FNIP2: variants seen among roughly 807,000 people sequenced by gnomAD.
FNIP2 encodes the protein folliculin-interacting protein 2.
FNIP2 carries 32 observed loss-of-function variants against 108.7 expected under a neutral mutation model. The ratio of observed to expected loss-of-function variants is 0.29; its 90% confidence interval spans 0.22 to 0.40. FNIP2 has a LOEUF of 0.40. Among genes scored for constraint, FNIP2 ranks in the 10% least tolerant of loss-of-function variants. The probability of loss-of-function intolerance (pLI) is 1.00; values close to 1 mark genes in which losing one functional copy is unlikely to be tolerated. For missense variants in FNIP2, 1,202 were observed against 1,381.6 expected (o/e 0.87, Z 2.06); for synonymous variants, 480 against 496.7 (o/e 0.97, Z 0.45).
chr4:158,828,159 G>C (rs1298025594), intron 2 of FNIP2, among the ~76,000 whole-genome samples: 2 of 152,172 alleles, frequency 1.3e-5, no homozygotes, highest in African/African-American at 4.8e-5. Flanking sequence ...GTATAGTAGA[G>C]CATCCTCTGT....
At chr4:158,777,975 GA>G (rs1011894910) in intron 1 of FNIP2, among the ~76,000 whole-genome samples, 103 of 151,986 alleles carry the variant, frequency 6.8e-4, no homozygotes, top group African/African-American at 2.3e-3. Context: ...GCAAATACAG[GA>G]AAAAAAATTC....
chr4:158,856,002 G>A (rs980299386), intron 8 of FNIP2, among the ~76,000 whole-genome samples: 3 of 152,168 alleles, frequency 2.0e-5, no homozygotes, highest in African/African-American at 7.2e-5. Flanking sequence ...TAGAATGAAT[G>A]TTTTCAGTAT....
intron 16 of FNIP2, among the ~76,000 whole-genome samples, chr4:158,900,094 C>T (rs1309992901): frequency 2.0e-5 from 3 of 152,128 alleles, no homozygotes; most frequent in Non-Finnish European, 2.9e-5. Flanking sequence ...GCCTTCATTT[C>T]GTTATGTACC....
intron 16 of FNIP2, among the ~76,000 whole-genome samples, chr4:158,898,242 CTTG>C (rs1560844132): frequency 6.6e-6 from 1 of 152,100 alleles, no homozygotes; most frequent in African/African-American, 2.4e-5. Flanking sequence ...TTACCGTAGC[CTTG>C]TTGTATAGTT....
At chr4:158,885,261 C>T (rs1307710921) in intron 14 of FNIP2, among the ~76,000 whole-genome samples, 3 of 152,170 alleles carry the variant, frequency 2.0e-5, no homozygotes, top group Non-Finnish European at 4.4e-5. Context: ...CCTTCCTCGA[C>T]ATGGGATTAT....
chr4:158,779,172 C>T (rs1358854586), intron 1 of FNIP2, among the ~76,000 whole-genome samples: 3 of 152,112 alleles, frequency 2.0e-5, no homozygotes, highest in African/African-American at 7.2e-5. Flanking sequence ...TAAAAATGCT[C>T]ATACTTTTTT....
At chr4:158,812,091 CTG>C (rs1270554176) in intron 1 of FNIP2, among the ~76,000 whole-genome samples, 1 of 152,148 alleles carries the variant, frequency 6.6e-6, no homozygotes, top group Non-Finnish European at 1.5e-5. Context: ...CGGCTGCACA[CTG>C]TGATATGAGA....
chr4:158,831,751 G>C (rs1778495735), intron 3 of FNIP2, 110 bp from the exon 4 acceptor site: 2 of 717,742 alleles, frequency 2.8e-6, no homozygotes. Flanking sequence ...GAAGCTTTGA[G>C]AAATAGTTTT....
chr4:158,896,851 T>TTA (rs1553967025), intron 16 of FNIP2, among the ~76,000 whole-genome samples: 2 of 138,970 alleles, frequency 1.4e-5, no homozygotes, highest in South Asian at 2.3e-4. Context: ...GTTTTTTTTT[T>TTA]ATTATTATTA....
At position 158,904,520 on chromosome 4, in the gene FNIP2, T is replaced by G; in HGVS notation, c.3321T>G (p.Pro1107=). 8.7e-6 allele frequency: 14 copies of G among 1,613,234 alleles called. No individual in the cohort carries two copies. Among genetic ancestry groups the G allele is most frequent in the Non-Finnish European group, 1.2e-5 (14 of 1,179,784 alleles). ...LLTAIASTHS[P]YVAQILL ...CTGCTATTGCCAGTACTCATTCTCC[T>G]TATGTGGCTCAAATACTCTTATAAG... Residue 1107 remains proline (P), a synonymous_variant, in exon 17 of 17, where the codon CCT becomes CCG. Coordinates refer to ENST00000264433, the MANE Select transcript of FNIP2 (RefSeq NM_020840.3).
intron 1 of FNIP2, among the ~76,000 whole-genome samples, chr4:158,789,304 A>AGTGTGT (rs58194510): frequency 1.1e-4 from 17 of 151,876 alleles, no homozygotes; most frequent in African/African-American, 3.9e-4. Flanking sequence ...CTCTAAAAGC[A>AGTGTGT]GTGTGTGTGT....
intron 14 of FNIP2, among the ~76,000 whole-genome samples, chr4:158,878,750 T>A (rs1453349376): frequency 6.6e-6 from 1 of 152,108 alleles, no homozygotes; most frequent in East Asian, 1.9e-4. Context: ...ACTCCTCCAG[T>A]TGGCAATAAC....
At chr4:158,789,731 T>G (rs1361622830) in intron 1 of FNIP2, among the ~76,000 whole-genome samples, 1 of 152,190 alleles carries the variant, frequency 6.6e-6, no homozygotes, top group Non-Finnish European at 1.5e-5. Context: ...AGATGAAGTA[T>G]TCCTAATCCA....
intron 14 of FNIP2, among the ~76,000 whole-genome samples, chr4:158,883,280 CG>C (rs1781803388): frequency 6.6e-6 from 1 of 151,876 alleles, no homozygotes; most frequent in Non-Finnish European, 1.5e-5. Context: ...CTGGCTCTGT[CG>C]TCCAGGCTGG....
rs1167514932 is a variant in FNIP2 at position 158,907,190 on chromosome 4, T to C, written c.*2646T>C. 1 of 152,260 alleles carries C rather than the reference T, an allele frequency of 6.6e-6. No homozygotes were observed. The highest frequency in any genetic ancestry group is 1.5e-5 in the Non-Finnish European group (1 of 68,046). 9.4% of individuals were successfully genotyped at this position (152,260 alleles called of 1,614,324 possible). The stretch of plus-strand genomic sequence containing the variant: ...AGTGAAATGAATGTAAAGGTAATTG[T>C]GTACGTTTTAGACATGACAATGAAA... On this transcript the variant is annotated 3_prime_UTR_variant, in exon 17 of 17. Transcript: ENST00000264433.
intron 1 of FNIP2, among the ~76,000 whole-genome samples, chr4:158,790,845 C>CT (rs886183838): frequency 7.3e-4 from 109 of 148,786 alleles, no homozygotes; most frequent in East Asian, 3.3e-3. Context: ...TTAATTTTCA[C>CT]TTTTTTTTTT....
chr4:158,841,204 A>G (rs1333032377), intron 7 of FNIP2, among the ~76,000 whole-genome samples: 1 of 152,168 alleles, frequency 6.6e-6, no homozygotes, highest in African/African-American at 2.4e-5. Context: ...ATGTCTTCAG[A>G]GAATGGGACA....
chr4:158,893,580 G>T, intron 15 of FNIP2: 3 of 808,598 alleles, frequency 3.7e-6, no homozygotes, highest in Non-Finnish European at 5.9e-6. Context: ...GCGTACTCTT[G>T]CAAGACATCT....
In FNIP2 at chr4:158,869,045, C is replaced by T. The variant is rs570633366; in HGVS notation, c.2409C>T (p.Asn803=). Reference sequence around the variant, plus strand: ...TTGCAGAGGACAGAGGCAGCAGAAACGACATGGCAGCAGATATTGCTGGGC... The same window carrying T: ...TTGCAGAGGACAGAGGCAGCAGAAATGACATGGCAGCAGATATTGCTGGGC... ...KGFAEDRGSR[N]DMAADIAGQL... The change falls in exon 13 of 17, where the codon AAC becomes AAT. Residue 803 remains asparagine, a synonymous_variant. Transcript: ENST00000264433. The T allele has an allele frequency of 1.2e-5, 19 of 1,613,986 alleles. No individual in the cohort carries two copies. Among genetic ancestry groups the T allele is most frequent in the Middle Eastern group, 3.3e-4 (2 of 6,060 alleles).
Sources: allele counts gnomAD v4.1 joint callset (sites outside exome capture counted in the v4.1 genomes callset), GRCh38; gene constraint gnomAD v4.1.1; transcripts MANE v1.5; gene names NCBI Gene and HGNC (gene_info 2026-07-23, HGNC 2026-07-21).